PPP1R14D: variants seen among roughly 807,000 people sequenced by gnomAD.
PPP1R14D encodes protein phosphatase 1 regulatory subunit 14D.
A neutral mutation model predicts 17.1 loss-of-function variants in PPP1R14D; 14 were observed. The ratio of observed to expected loss-of-function variants is 0.82; its 90% CI spans 0.54 to 1.28. PPP1R14D has a LOEUF of 1.28. Among genes scored for constraint, PPP1R14D ranks in the 50% most tolerant of loss-of-function variants. The pLI is 0.00. For synonymous variants in PPP1R14D, 67 were observed against 66.1 expected (o/e 1.01, Z -0.06); for missense variants, 173 against 179.2 (o/e 0.97, Z 0.20).
chr15:40,824,388 T>G (rs1890835655), intron 1 of PPP1R14D, among the ~76,000 whole-genome samples: 1 of 151,876 alleles, frequency 6.6e-6, no homozygotes, highest in South Asian at 2.1e-4. Context: ...TTTTTTTTTT[T>G]GAGATAGGGT....
Position 40,828,694 on chromosome 15 carries a change from G to C in PPP1R14D, c.-53C>G. On this transcript the variant is annotated 5_prime_UTR_variant, in exon 1 of 4. Coordinates refer to ENST00000299174, the MANE Select transcript of PPP1R14D (RefSeq NM_017726.8). ...GGAAAAACCGCCAGTTCTGAGCAGA[G>C]CCACAGAGGGAAGTGAGGAGACAGA... 6.5e-7 allele frequency: 1 copy of C among 1,538,612 alleles called. No homozygotes were observed. The highest frequency in any genetic ancestry group is 8.8e-7 in the Non-Finnish European group (1 of 1,142,276).
intron 1 of PPP1R14D, among the ~76,000 whole-genome samples, chr15:40,825,437 A>C (rs1169405722): frequency 1.3e-5 from 2 of 152,102 alleles, no homozygotes; most frequent in Non-Finnish European, 2.9e-5. Flanking sequence ...GGACAACAGG[A>C]GCTCTAGGAC....
intron 1 of PPP1R14D, among the ~76,000 whole-genome samples, chr15:40,822,995 G>A (rs1179470175): frequency 2.8e-4 from 34 of 121,832 alleles, no homozygotes; most frequent in African/African-American, 1.1e-3. Flanking sequence ...TTACAATTTC[G>A]CTCTTGTCGC....
Position 40,828,587 on chromosome 15 carries a change from G to C in PPP1R14D, c.55C>G (p.Pro19Ala). Residue 19 changes from proline (P) to alanine (A), a missense_variant, in exon 1 of 4, where the codon CCA becomes GCA. Physicochemically the swap from Pro to Ala is conservative, Grantham distance 27. Coordinates refer to ENST00000299174, the MANE Select transcript of PPP1R14D (RefSeq NM_017726.8). ...CTSPSPDGEN[P>A]CKKVHWASGR... ...GAAGCCCAGTGGACCTTCTTACATG[G>C]GTTCTCCCCATCTGGGCTGGGAGAT... 3 of 1,614,164 alleles carry C rather than the reference G, an allele frequency of 1.9e-6. No homozygotes were observed. The highest frequency in any genetic ancestry group is 4.5e-5 in the East Asian group (2 of 44,886).
chr15:40,822,458 C>CT lies in PPP1R14D; in HGVS notation c.255+5928dup, dbSNP rs951273824. Among the ~76,000 whole-genome samples the CT allele has an allele frequency of 8.2e-3, 1,192 of 145,668 alleles. 17 individuals carry two copies. The highest frequency in any genetic ancestry group is 0.027 in the African/African-American group (1,081 of 40,080). On this transcript the variant is annotated intron_variant, in intron 1 of 3. Coordinates refer to ENST00000299174, the MANE Select transcript of PPP1R14D (RefSeq NM_017726.8). ...GAGGTCAGGAGTTCAAGACCAGATTCTTTTTTTTTTTTGAGATGGAGTTTC... is the reference window on the plus strand; with the variant it reads ...GAGGTCAGGAGTTCAAGACCAGATTCTTTTTTTTTTTTTGAGATGGAGTTTC...
chr15:40,821,120 A>G (rs1890768960), intron 1 of PPP1R14D, among the ~76,000 whole-genome samples: 1 of 152,004 alleles, frequency 6.6e-6, no homozygotes, highest in African/African-American at 2.4e-5. Context: ...GGATCACCTC[A>G]GGTCAGGGGT....
At position 40,828,294 on chromosome 15, in the gene PPP1R14D, C is replaced by A. The variant is rs185419612; in HGVS notation, c.255+93G>T. On this transcript the variant is annotated intron_variant, in intron 1 of 3. Coordinates refer to ENST00000299174, the MANE Select transcript of PPP1R14D (RefSeq NM_017726.8). Reference sequence around the variant, plus strand: ...CAAAAGCTTTCTCTTCACGGAAGCACCTCACATCAGCCCTCCAGCTCCTGT... The same window carrying A: ...CAAAAGCTTTCTCTTCACGGAAGCAACTCACATCAGCCCTCCAGCTCCTGT... 8.7e-5 allele frequency: 127 copies of A among 1,462,760 alleles called. No homozygotes were observed. The East Asian group carries it at 2.3e-3, about 26-fold the overall frequency. 90.6% of individuals were successfully genotyped at this position (1,462,760 alleles called of 1,614,324 possible).
Position 40,828,462 on chromosome 15 carries a change from C to T in PPP1R14D, c.180G>A (p.Lys60=), listed in dbSNP as rs1890910744. The T allele has an allele frequency of 6.2e-7, 1 of 1,614,108 alleles. No homozygotes were observed. The highest frequency in any genetic ancestry group is 1.3e-5 in the African/African-American group (1 of 74,934). Residue 60 remains lysine (K), a synonymous_variant, in exon 1 of 4, where the codon AAG becomes AAA. Transcript: ENST00000299174. ...AGCGCTGGAGCTGGCCCCGGTCATA[C>T]TTCACTGTCAGGCGGCTGGGTCTCC... is the stretch of plus-strand genomic sequence containing the variant. ...RSRRPSRLTV[K]YDRGQLQRWL... is the part of the protein sequence containing the mutation.
chr15:40,822,130 T>C (rs1025858425), intron 1 of PPP1R14D, among the ~76,000 whole-genome samples: 1 of 151,854 alleles, frequency 6.6e-6, no homozygotes, highest in African/African-American at 2.4e-5. Flanking sequence ...AAAAACATTT[T>C]AAGTTTATAA....
chr15:40,821,156 G>A (rs1890769672), intron 1 of PPP1R14D, among the ~76,000 whole-genome samples: 1 of 152,124 alleles, frequency 6.6e-6, no homozygotes, highest in Non-Finnish European at 1.5e-5. Context: ...CTAACATGGT[G>A]AAACCCCATC....
At chr15:40,823,429 C>T (rs1317327706) in intron 1 of PPP1R14D, among the ~76,000 whole-genome samples, 1 of 152,090 alleles carries the variant, frequency 6.6e-6, no homozygotes, top group Non-Finnish European at 1.5e-5. Context: ...TTTAGTGCAG[C>T]CTATGTGTAC....
At chr15:40,824,023 C>T (rs577878637) in intron 1 of PPP1R14D, among the ~76,000 whole-genome samples, 8 of 149,462 alleles carry the variant, frequency 5.4e-5, no homozygotes, top group African/African-American at 1.5e-4. Context: ...AGGACTACTA[C>T]GGCAACCTGG....
At chr15:40,826,448 G>A (rs746975110) in intron 1 of PPP1R14D, among the ~76,000 whole-genome samples, 4 of 152,194 alleles carry the variant, frequency 2.6e-5, no homozygotes, top group Non-Finnish European at 4.4e-5. Context: ...AACCAACTGT[G>A]GGGCTTTTAA....
intron 1 of PPP1R14D, among the ~76,000 whole-genome samples, chr15:40,823,578 A>G (rs747724716): frequency 4.0e-4 from 61 of 152,240 alleles, no homozygotes; most frequent in Non-Finnish European, 5.0e-4. Flanking sequence ...TTTCTACCAT[A>G]TTTTTACTAT....
intron 1 of PPP1R14D, chr15:40,817,300 A>C (rs1433125655): frequency 7.1e-6 from 2 of 282,864 alleles, no homozygotes; most frequent in African/African-American, 4.5e-5. Context: ...GAAGTTGCAG[A>C]GAATGGATCA....
intron 1 of PPP1R14D, among the ~76,000 whole-genome samples, chr15:40,822,734 T>A (rs547544291): frequency 6.6e-5 from 10 of 152,128 alleles, no homozygotes; most frequent in Non-Finnish European, 1.2e-4. Flanking sequence ...ATTACAGGCG[T>A]GAGCCACCAT....
intron 1 of PPP1R14D, 141 bp downstream of exon 1, chr15:40,828,246 A>G (rs1369747114): frequency 1.7e-6 from 2 of 1,180,978 alleles, no homozygotes; most frequent in Non-Finnish European, 1.2e-6. Context: ...CTTCAAACCG[A>G]TGCTTCTTTC....
intron 1 of PPP1R14D, among the ~76,000 whole-genome samples, chr15:40,819,032 C>A (rs1000135567): frequency 2.6e-5 from 4 of 152,002 alleles, no homozygotes; most frequent in East Asian, 1.9e-4. Context: ...AAAAATAGGT[C>A]TATTAAAAAA....
In PPP1R14D at chr15:40,820,697, T is replaced by C. The variant is rs138504393; in HGVS notation, c.256-4444A>G. 1.7e-3 allele frequency among the ~76,000 whole-genome samples: 254 copies of C among 150,774 alleles called. 2 individuals are homozygous for C. Among genetic ancestry groups the C allele is most frequent in the African/African-American group, 5.9e-3 (242 of 41,148 alleles). On this transcript the variant is annotated intron_variant, in intron 1 of 3. Coordinates refer to ENST00000299174, the MANE Select transcript of PPP1R14D (RefSeq NM_017726.8). ...CCAAAATGGTGAACCCCGTCTCTAC[T>C]AAAAATACAAAAATTTAGCGAGGTG...
Sources: allele counts gnomAD v4.1 joint callset (sites outside exome capture counted in the v4.1 genomes callset), GRCh38; gene constraint gnomAD v4.1.1; transcripts MANE v1.5; gene names NCBI Gene and HGNC (gene_info 2026-07-23, HGNC 2026-07-21).